MFSD11: variants seen among roughly 807,000 people sequenced by gnomAD.
MFSD11 encodes UNC93-like protein MFSD11.
Under a neutral mutation model 53.5 loss-of-function variants are expected in MFSD11, and 36 were observed. The ratio of observed to expected loss-of-function variants is 0.67; its 90% confidence interval spans 0.52 to 0.89. The LOEUF is 0.89. Ranked by LOEUF, MFSD11 falls within the 40% of genes least tolerant of loss-of-function variation. The pLI is 0.00. For synonymous variants in MFSD11, 186 were observed against 184.9 expected, an observed-to-expected ratio of 1.01 and a Z score of -0.05; for missense variants, 530 against 543.9, an observed-to-expected ratio of 0.97 and a Z score of 0.25.
chr17:76,769,981 A>T, intron 10 of MFSD11, 110 bp downstream of exon 10: 17 of 902,110 alleles, frequency 1.9e-5, no homozygotes, highest in Admixed American at 5.7e-5. Context: ...TTTTCTACTT[A>T]TTTTTACCCA....
intron 10 of MFSD11, among the ~76,000 whole-genome samples, chr17:76,772,267 A>G (rs912262713): frequency 3.6e-4 from 54 of 152,018 alleles, no homozygotes; most frequent in Non-Finnish European, 5.9e-5. Flanking sequence ...CAAAAAAAGT[A>G]CAAAAAAATT....
chr17:76,802,706 CTCTG>C, the MFSD11 span, among the ~76,000 whole-genome samples: 2 of 152,128 alleles, frequency 1.3e-5, no homozygotes, highest in African/African-American at 4.8e-5. Flanking sequence ...TGGTGAAACC[CTCTG>C]TCTACTAAAA....
At chr17:76,760,190 C>T (rs891007130) in intron 8 of MFSD11, among the ~76,000 whole-genome samples, 1 of 151,442 alleles carries the variant, frequency 6.6e-6, no homozygotes, top group East Asian at 2.0e-4. Context: ...ATTGCTTGAA[C>T]CCTGGGGTGG....
upstream of MFSD11, chr17:76,738,025 G>C (rs2077660144): frequency 2.8e-6 from 1 of 355,642 alleles, no homozygotes; most frequent in Admixed American, 4.6e-5. Context: ...GGGCGGGGCC[G>C]CGCCGGCTGC....
chr17:76,746,057 C>T (rs185667846), intron 7 of MFSD11, among the ~76,000 whole-genome samples: 64 of 152,206 alleles, frequency 4.2e-4, no homozygotes, highest in African/African-American at 1.4e-3. Flanking sequence ...GCCAAACAGC[C>T]AAGTTGTGAA....
the MFSD11 span, among the ~76,000 whole-genome samples, chr17:76,789,841 A>T: frequency 3.3e-5 from 5 of 150,300 alleles, no homozygotes; most frequent in African/African-American, 4.9e-5. Context: ...ATGGTCACTC[A>T]TATTGGCTCA....
In MFSD11 at chr17:76,739,734, C is replaced by A. The variant is rs1300641278; in HGVS notation, c.152+741C>A. ...GTGGCACTCCCCCGCCCCCCACAAACCCATAACTCATACTTGGTTCTTTTT... is the reference window on the plus strand; with the variant it reads ...GTGGCACTCCCCCGCCCCCCACAAAACCATAACTCATACTTGGTTCTTTTT... On this transcript the variant is annotated intron_variant, in intron 2 of 12. Coordinates refer to ENST00000685175, the MANE Select transcript of MFSD11 (RefSeq NM_001242532.5). Among the ~76,000 whole-genome samples, 4 of 152,160 alleles carry A rather than the reference C, an allele frequency of 2.6e-5. 1 individual carries two copies. The highest frequency in any genetic ancestry group is 2.6e-4 in the Admixed American group (4 of 15,272).
At chr17:76,764,686 T>TAC (rs35495045) in intron 8 of MFSD11, among the ~76,000 whole-genome samples, 2,396 of 151,094 alleles carry the variant, frequency 0.016, 36 homozygotes, top group African/African-American at 0.043. Flanking sequence ...ATATAATTAA[T>TAC]ACACACACAC....
chr17:76,777,034 A>G (rs1450438046), intron 12 of MFSD11, among the ~76,000 whole-genome samples: 1 of 151,944 alleles, frequency 6.6e-6, no homozygotes. Context: ...TTGGGAGGCC[A>G]AGGTGGGCGG....
chr17:76,737,356 C>T (rs765830002), upstream of MFSD11: 102 of 648,450 alleles, frequency 1.6e-4, no homozygotes, highest in East Asian at 3.3e-4. Flanking sequence ...CCTCTGCGCC[C>T]GTTTATATCG....
chr17:76,742,000 C>T lies in MFSD11; in HGVS notation c.292C>T (p.Pro98Ser). 1.9e-6 allele frequency: 3 copies of T among 1,614,096 alleles called. No homozygotes were observed. Among genetic ancestry groups the T allele is most frequent in the Non-Finnish European group, 1.7e-6 (2 of 1,180,004 alleles). Residue 98 changes from proline (P) to serine (S), a missense_variant, in exon 4 of 13, where the codon CCG (proline) becomes TCG (serine). Transcript: ENST00000685175. ...CATTGCCGTTTTCATCCAGCCTTTC[C>T]CGTGGTCCTTCTACACAGCCTCTGT... is the stretch of plus-strand genomic sequence containing the variant. ...MYIAVFIQPFPWSFYTASVFI... is the reference protein window; with the variant it reads ...MYIAVFIQPFSWSFYTASVFI...
upstream of MFSD11, chr17:76,737,987 C>T (rs2077655121): frequency 6.9e-6 from 2 of 291,582 alleles, no homozygotes; most frequent in Middle Eastern, 9.2e-4. Context: ...GTGACCCGGT[C>T]GCCTGGCCGC....
At chr17:76,740,040 G>A (rs2077907406) in intron 2 of MFSD11, among the ~76,000 whole-genome samples, 1 of 151,818 alleles carries the variant, frequency 6.6e-6, no homozygotes, top group Non-Finnish European at 1.5e-5. Context: ...CAGGCATGGT[G>A]GTGGGCGCCT....
the MFSD11 span, among the ~76,000 whole-genome samples, chr17:76,792,000 AGAT>A: frequency 1.3e-5 from 2 of 148,960 alleles, no homozygotes; most frequent in Admixed American, 6.7e-5. Context: ...TTAATATGCT[AGAT>A]GAGCCCAGCA....
intron 8 of MFSD11, among the ~76,000 whole-genome samples, chr17:76,758,107 A>G (rs1488533367): frequency 6.6e-6 from 1 of 152,196 alleles, no homozygotes; most frequent in Non-Finnish European, 1.5e-5. Flanking sequence ...CAGAATAGCA[A>G]GACCAATAAA....
Position 76,767,443 on chromosome 17 carries a change from C to A in MFSD11, c.740C>A (p.Ala247Asp). The A allele has an allele frequency of 6.3e-7, 1 of 1,586,324 alleles. No homozygotes were observed. Among genetic ancestry groups the A allele is most frequent in the African/African-American group, 1.3e-5 (1 of 74,396 alleles). ...ATGCTCCTTCTTAGTATTACAACTG[C>A]TTATACAGGTAATGGAATTACTGTT... ...KEMLLLSITTAYTGLELTFFS... is the reference protein window; with the variant it reads ...KEMLLLSITTDYTGLELTFFS... The change falls in exon 9 of 13, where the codon GCT (alanine) becomes GAT (aspartate). Residue 247 changes from alanine to aspartate, a missense_variant. Ala to Asp is a moderately radical substitution (Grantham distance 126). Coordinates refer to ENST00000685175, the MANE Select transcript of MFSD11 (RefSeq NM_001242532.5).
intron 7 of MFSD11, among the ~76,000 whole-genome samples, chr17:76,749,558 A>AT (rs2078860878): frequency 6.6e-6 from 1 of 151,314 alleles, no homozygotes; most frequent in Non-Finnish European, 1.5e-5. Context: ...AGAAGGAACA[A>AT]TGTATGCTGT....
At chr17:76,765,565 C>G (rs552064748) in intron 8 of MFSD11, among the ~76,000 whole-genome samples, 1 of 149,108 alleles carries the variant, frequency 6.7e-6, no homozygotes, top group Non-Finnish European at 1.5e-5. Context: ...CAGGCTCAAG[C>G]GATCCTCCCA....
chr17:76,754,541 G>A (rs1204095047), intron 8 of MFSD11, among the ~76,000 whole-genome samples: 1 of 151,880 alleles, frequency 6.6e-6, no homozygotes, highest in Non-Finnish European at 1.5e-5. Flanking sequence ...AAAATTTGCC[G>A]GGCGTGGTGG....
Sources: gnomAD v4.1 joint callset for allele counts (sites outside exome capture counted in the v4.1 genomes callset) on GRCh38, gnomAD v4.1.1 for gene constraint, MANE v1.5 for transcripts, NCBI Gene and HGNC (gene_info 2026-07-23, HGNC 2026-07-21) for gene names.